The following GALK2 variants were observed in gnomAD, a reference collection of about 807,000 sequenced individuals.
GALK2 encodes N-acetylgalactosamine kinase.
GALK2 carries 36 observed loss-of-function variants against 52.4 expected under a neutral mutation model. That is an observed-to-expected ratio of 0.69 (90% CI 0.53 to 0.91). GALK2 has a LOEUF of 0.91. GALK2 is among the 40% of genes least tolerant of loss of function. The pLI, the probability that GALK2 is intolerant of heterozygous loss-of-function variation, is 0.00. For synonymous variants in GALK2, 176 were observed against 199.1 expected (o/e 0.88, Z 0.98); for missense variants, 579 against 559.1 (o/e 1.04, Z -0.36).
At chr15:49,318,339 C>T (rs149757306) in intron 8 of GALK2, 40 of 152,130 alleles carry the variant, frequency 2.6e-4, no homozygotes, top group African/African-American at 9.2e-4. Flanking sequence ...AAAATAAAAT[C>T]ACCCATAATG....
chr15:49,341,474 G>C (rs1173766051), intron 3 of GALK2, among the ~76,000 whole-genome samples: 1 of 152,042 alleles, frequency 6.6e-6, no homozygotes, highest in African/African-American at 2.4e-5. Context: ...TGCACCTCCT[G>C]GGTTAGATGT....
chr15:49,337,238 G>A (rs1428764485), intron 3 of GALK2, among the ~76,000 whole-genome samples: 1 of 152,182 alleles, frequency 6.6e-6, no homozygotes, highest in Non-Finnish European at 1.5e-5. Flanking sequence ...TTGAACGGTA[G>A]TTCTGTTTTA....
At chr15:49,165,688 T>C (rs1390706156), upstream of GALK2, among the ~76,000 whole-genome samples, 1 of 152,118 alleles carries the variant, frequency 6.6e-6, no homozygotes, top group Non-Finnish European at 1.5e-5. Context: ...ATTATTAAAT[T>C]TAACATTTCT....
At chr15:49,183,193 T>G (rs192557831) in intron 1 of GALK2, among the ~76,000 whole-genome samples, 2 of 152,302 alleles carry the variant, frequency 1.3e-5, no homozygotes, top group East Asian at 1.9e-4. Context: ...ATTATTTCTT[T>G]TCTTATACTA....
chr15:49,240,283 A>T (rs2091029286), intron 5 of GALK2, among the ~76,000 whole-genome samples: 2 of 152,182 alleles, frequency 1.3e-5, no homozygotes, highest in African/African-American at 4.8e-5. Flanking sequence ...AGGGACAGGA[A>T]GTCCATGTGT....
intron 8 of GALK2, among the ~76,000 whole-genome samples, chr15:49,310,078 C>G (rs1204027328): frequency 6.6e-6 from 1 of 152,162 alleles, no homozygotes; most frequent in African/African-American, 2.4e-5. Context: ...TAATTCTATT[C>G]TTTACTTCCA....
chr15:49,175,006 A>AAGTATTGTAT (rs1166445049), intron 1 of GALK2, among the ~76,000 whole-genome samples: 11 of 152,322 alleles, frequency 7.2e-5, no homozygotes, highest in African/African-American at 2.6e-4. Context: ...TTTAGGCCCC[A>AAGTATTGTAT]CAGAGTCTGT....
Position 49,310,967 on chromosome 15 carries a change from T to C in GALK2, c.968-8637T>C, listed in dbSNP as rs143836685. ...GTCTTACGCATAAGTTCTTTGCCTATACCAGTGTCCTGAAGCATTTCCCCT... is the reference window on the plus strand; with the variant it reads ...GTCTTACGCATAAGTTCTTTGCCTACACCAGTGTCCTGAAGCATTTCCCCT... On this transcript the variant is annotated intron_variant, in intron 8 of 9. Coordinates refer to ENST00000560031, the MANE Select transcript of GALK2 (RefSeq NM_002044.4). Among the ~76,000 whole-genome samples, 304 of 152,318 alleles carry C rather than the reference T, an allele frequency of 2.0e-3. 3 individuals are homozygous for C. Among genetic ancestry groups the C allele is most frequent in the African/African-American group, 7.0e-3 (292 of 41,572 alleles).
At chr15:49,201,363 T>G (rs1350281360) in intron 2 of GALK2, 113 bp downstream of exon 2, 1 of 593,902 alleles carries the variant, frequency 1.7e-6, no homozygotes, top group African/African-American at 1.9e-5. Context: ...TTCACATGTA[T>G]CTACTAATAG....
intron 5 of GALK2, among the ~76,000 whole-genome samples, chr15:49,242,721 G>A (rs779545621): frequency 5.3e-5 from 8 of 152,218 alleles, no homozygotes; most frequent in Non-Finnish European, 4.4e-5. Context: ...GAATCTGGAA[G>A]CCAGAAATTA....
intron 8 of GALK2, among the ~76,000 whole-genome samples, chr15:49,316,652 CA>C (rs888570167): frequency 2.2e-4 from 33 of 147,796 alleles, no homozygotes; most frequent in Admixed American, 6.0e-4. Flanking sequence ...AAATCAAGGG[CA>C]AAAAAAAAAT....
chr15:49,367,740 ATCT>A, exon 4 of GALK2: 1 of 848,924 alleles, frequency 1.2e-6, no homozygotes, highest in Non-Finnish European at 1.7e-6. Context: ...TCTACAAAGC[ATCT>A]TCTTAATTAG....
chr15:49,284,433 G>A (rs2033110840), intron 7 of GALK2, among the ~76,000 whole-genome samples: 1 of 152,176 alleles, frequency 6.6e-6, no homozygotes, highest in Admixed American at 6.5e-5. Flanking sequence ...GATCCAACAA[G>A]TGACACAGTA....
chr15:49,173,069 C>T (rs898973202), intron 1 of GALK2, among the ~76,000 whole-genome samples: 3 of 152,166 alleles, frequency 2.0e-5, no homozygotes, highest in Non-Finnish European at 2.9e-5. Context: ...TTCCCTTTCC[C>T]CTCACCTAGC....
chr15:49,348,131 G>A (rs529488691), intron 3 of GALK2, among the ~76,000 whole-genome samples: 103 of 151,684 alleles, frequency 6.8e-4, no homozygotes, highest in African/African-American at 2.4e-3. Context: ...TCCCTGATAA[G>A]GCTGGATAAA....
At chr15:49,233,055 AT>A (rs200844138) in intron 3 of GALK2, among the ~76,000 whole-genome samples, 2,798 of 152,194 alleles carry the variant, frequency 0.018, 32 homozygotes, top group Non-Finnish European at 0.027. Context: ...CTTGTTACCA[AT>A]TTTCCATATT....
intron 3 of GALK2, among the ~76,000 whole-genome samples, chr15:49,342,325 T>C (rs2040857546): frequency 6.6e-6 from 1 of 152,208 alleles, no homozygotes; most frequent in Non-Finnish European, 1.5e-5. Context: ...AAAGTCTGTT[T>C]TATCTGGTAT....
chr15:49,308,646 A>G lies in GALK2; in HGVS notation c.968-10958A>G, dbSNP rs76145812. On this transcript the variant is annotated intron_variant, in intron 8 of 9. Coordinates refer to ENST00000560031, the MANE Select transcript of GALK2 (RefSeq NM_002044.4). ...GGCTACGTGGAGAAACTCGCTGCATAAAGAATGAGGGAGATGATGGTCCAG... is the reference window on the plus strand; with the variant it reads ...GGCTACGTGGAGAAACTCGCTGCATGAAGAATGAGGGAGATGATGGTCCAG... Among the ~76,000 whole-genome samples the G allele has an allele frequency of 3.0e-3, 451 of 152,300 alleles. 5 individuals carry two copies. The highest frequency in any genetic ancestry group is 0.01 in the African/African-American group (428 of 41,570).
chr15:49,210,947 A>G (rs547013716), intron 2 of GALK2, among the ~76,000 whole-genome samples: 4 of 135,296 alleles, frequency 3.0e-5, no homozygotes, highest in Non-Finnish European at 4.8e-5. Flanking sequence ...GGGTTTCCCA[A>G]TGTTGGCTGT....
Sources: gnomAD v4.1 joint callset for allele counts (sites outside exome capture counted in the v4.1 genomes callset) on GRCh38, gnomAD v4.1.1 for gene constraint, MANE v1.5 for transcripts, NCBI Gene and HGNC (gene_info 2026-07-23, HGNC 2026-07-21) for gene names.